Variants in TLK1 observed in about 807,000 individuals in gnomAD.
TLK1 encodes serine/threonine-protein kinase tousled-like 1.
A neutral mutation model predicts 105.3 loss-of-function variants in TLK1; 24 were observed. The ratio of observed to expected loss-of-function variants is 0.23; its 90% CI spans 0.17 to 0.32. TLK1 has a LOEUF of 0.32. Among genes scored for constraint, TLK1 ranks in the 10% least tolerant of loss-of-function variants. The pLI, the probability that TLK1 is intolerant of heterozygous loss-of-function variation, is 1.00. For synonymous variants in TLK1, 321 were observed against 310.4 expected (o/e 1.03, Z -0.36); for missense variants, 558 against 910.5 (o/e 0.61, Z 4.98).
chr2:171,037,104 A>G (rs1233086492), intron 11 of TLK1, among the ~76,000 whole-genome samples: 2 of 152,126 alleles, frequency 1.3e-5, no homozygotes, highest in African/African-American at 4.8e-5. Flanking sequence ...ACTAAATTAA[A>G]AAGAAGCAAC....
At chr2:171,092,052 C>G (rs1325626632) in intron 2 of TLK1, among the ~76,000 whole-genome samples, 1 of 151,570 alleles carries the variant, frequency 6.6e-6, no homozygotes, top group Admixed American at 6.6e-5. Flanking sequence ...TTTTAATCCA[C>G]TGGAGATCCC....
In TLK1 at chr2:171,160,270, G is replaced by A. The variant is rs1692426205; in HGVS notation, c.139+20C>T. 2 of 1,507,390 alleles carry A rather than the reference G, an allele frequency of 1.3e-6. No individual in the cohort carries two copies. The highest frequency in any genetic ancestry group is 1.8e-6 in the Non-Finnish European group (2 of 1,133,612). 93.4% of individuals were successfully genotyped at this position (1,507,390 alleles called of 1,614,324 possible). A position where few individuals can be genotyped will look rare whatever the true frequency, so the allele number is the denominator to read the frequency against. ...CGGGAGAGGAGGCCCGCGAGCGGGC[G>A]CGGGCGCGGCGGTGCTTACCTTCCC... On this transcript the variant is annotated intron_variant, in intron 1 of 20. Transcript: ENST00000431350. This position sits in a 1 kb window ranked among gnomAD's most constrained non-coding sequence, Gnocchi z 4.4.
rs1002720586 is a variant in TLK1 at position 171,025,820 on chromosome 2, A to G, written c.1236+2519T>C. ...TTATTGCTTATTATTTTTTAACTGT[A>G]TAACTCAAAAATTAATACTCGGTTC... On this transcript the variant is annotated intron_variant, in intron 12 of 20. Coordinates refer to ENST00000431350, the MANE Select transcript of TLK1 (RefSeq NM_012290.5). Among the ~76,000 whole-genome samples the G allele has an allele frequency of 2.0e-5, 3 of 152,214 alleles. No individual in the cohort carries two copies. The East Asian group carries it at 5.8e-4, about 29-fold the overall frequency.
intron 1 of TLK1, among the ~76,000 whole-genome samples, chr2:171,136,483 G>A (rs1691329956): frequency 6.6e-6 from 1 of 152,190 alleles, no homozygotes; most frequent in Non-Finnish European, 1.5e-5. Context: ...GCTGAGGCAA[G>A]TGAACCTGGG....
chr2:171,043,328 G>T (rs1412120657), intron 11 of TLK1, among the ~76,000 whole-genome samples: 2 of 152,128 alleles, frequency 1.3e-5, no homozygotes, highest in Admixed American at 6.5e-5. Context: ...TAAGACAATG[G>T]GTGAGAGTCT....
chr2:171,184,197 C>A (rs915997821), intron 1 of TLK1, among the ~76,000 whole-genome samples: 2 of 152,188 alleles, frequency 1.3e-5, no homozygotes, highest in Non-Finnish European at 2.9e-5. Context: ...AGGCAGGGAA[C>A]TAGGTTCTCA....
intron 1 of TLK1, among the ~76,000 whole-genome samples, chr2:171,148,951 G>GATAT (rs576358287): frequency 6.9e-6 from 1 of 144,768 alleles, no homozygotes. Context: ...GTGTATGTGC[G>GATAT]ATATATATAT....
intron 1 of TLK1, among the ~76,000 whole-genome samples, chr2:171,130,357 G>A (rs968416204): frequency 1.3e-5 from 2 of 151,760 alleles, no homozygotes; most frequent in South Asian, 2.1e-4. Context: ...AGCCAAGATC[G>A]CACCACTGCA....
intron 11 of TLK1, among the ~76,000 whole-genome samples, chr2:171,039,153 A>C (rs1686527615): frequency 6.6e-6 from 1 of 152,068 alleles, no homozygotes; most frequent in Non-Finnish European, 1.5e-5. Context: ...TGTCTTTTCT[A>C]AACTGTTATT....
intron 2 of TLK1, among the ~76,000 whole-genome samples, chr2:171,087,695 TAAAG>T (rs1216702118): frequency 2.0e-5 from 3 of 151,906 alleles, no homozygotes; most frequent in African/African-American, 7.3e-5. Flanking sequence ...AAACCAAAGA[TAAAG>T]AAAACAATCT....
At chr2:171,077,883 A>T (rs1215653994) in intron 3 of TLK1, among the ~76,000 whole-genome samples, 1 of 152,258 alleles carries the variant, frequency 6.6e-6, no homozygotes, top group Non-Finnish European at 1.5e-5. Flanking sequence ...AATGAAAGTT[A>T]AAAAGTCAAA....
At chr2:171,059,916 C>T in intron 4 of TLK1, 1 of 1,380,724 alleles carries the variant, frequency 7.2e-7, no homozygotes, top group Non-Finnish European at 1.0e-6. Flanking sequence ...CACTGGCCCG[C>T]TGCTCACCTC....
At chr2:171,099,406 T>C (rs1307468325) in intron 2 of TLK1, among the ~76,000 whole-genome samples, 1 of 152,322 alleles carries the variant, frequency 6.6e-6, no homozygotes, top group African/African-American at 2.4e-5. Context: ...GCTAGAAGAC[T>C]TAATGTTATT....
intron 1 of TLK1, among the ~76,000 whole-genome samples, chr2:171,178,495 A>G (rs1692873097): frequency 6.6e-6 from 1 of 152,206 alleles, no homozygotes; most frequent in South Asian, 2.1e-4. Flanking sequence ...TTGACTCAGT[A>G]TAAGACAGAT....
chr2:171,009,730 G>T (rs1356289793), intron 14 of TLK1, among the ~76,000 whole-genome samples: 2 of 152,124 alleles, frequency 1.3e-5, no homozygotes, highest in African/African-American at 4.8e-5. Context: ...CTCAGAAGGA[G>T]CCAATGAGTC....
rs547141977 is a variant in TLK1 at position 171,106,508 on chromosome 2, G to A, written c.258+11231C>T. Among the ~76,000 whole-genome samples the A allele has an allele frequency of 1.3e-3, 199 of 152,234 alleles. 1 individual carries two copies. The highest frequency in any genetic ancestry group is 3.4e-3 in the Middle Eastern group (1 of 294). On this transcript the variant is annotated intron_variant, in intron 2 of 20. Coordinates refer to ENST00000431350, the MANE Select transcript of TLK1 (RefSeq NM_012290.5). ...CAATAAAAGCAGAAAAACAAAAAAT[G>A]AAGGTTGTATGTACAGTATCTGTTG...
At chr2:171,171,504 C>CAA (rs541238416) in intron 1 of TLK1, among the ~76,000 whole-genome samples, 116 of 67,380 alleles carry the variant, frequency 1.7e-3, no homozygotes, top group African/African-American at 5.5e-3. Flanking sequence ...CCCTCATCTC[C>CAA]AAAAAAAAAA....
rs1692469359 is a variant in TLK1, at chr2:171,160,853, CGGGCTGTGGGTGGCGGCTGAGGCGGT to C, written c.-451_-426del. The C allele has an allele frequency of 3.2e-6, 1 of 314,082 alleles. No homozygotes were observed. Among genetic ancestry groups the C allele is most frequent in the African/African-American group, 2.2e-5 (1 of 45,408 alleles). The allele number at this position is 314,082 out of a possible 1,614,324, so 19.5% of individuals were successfully genotyped here. A position where few individuals can be genotyped will look rare whatever the true frequency, so the allele number is the denominator to read the frequency against. On this transcript the variant is annotated 5_prime_UTR_variant, in exon 1 of 21. Coordinates refer to ENST00000431350, the MANE Select transcript of TLK1 (RefSeq NM_012290.5). The surrounding 1 kb of genome is among the most constrained non-coding windows in gnomAD (Gnocchi z 4.4). Reference sequence around the variant, plus strand: ...GGCGTCGCCCGGGAGGCGGCGGCGGCGGGCTGTGGGTGGCGGCTGAGGCGGTGGGGTAACCTCTGCATCAGTTACAG... The same window carrying C: ...GGCGTCGCCCGGGAGGCGGCGGCGGCGGGGTAACCTCTGCATCAGTTACAG...
intron 2 of TLK1, among the ~76,000 whole-genome samples, chr2:171,086,103 G>C (rs1326457253): frequency 6.6e-6 from 1 of 152,038 alleles, no homozygotes; most frequent in Non-Finnish European, 1.5e-5. Flanking sequence ...TTATAATCCT[G>C]AGTTTGAATA....
Sources: allele counts gnomAD v4.1 joint callset (sites outside exome capture counted in the v4.1 genomes callset), GRCh38; gene constraint gnomAD v4.1.1; non-coding constraint Gnocchi (gnomAD v3.1); transcripts MANE v1.5; gene names NCBI Gene and HGNC (gene_info 2026-07-23, HGNC 2026-07-21).